DDR2: variants seen among roughly 807,000 people sequenced by gnomAD.
DDR2 encodes the protein discoidin domain receptor tyrosine kinase 2, also known as discoidin domain-containing receptor 2.
Under a neutral mutation model 94.9 loss-of-function variants are expected in DDR2, and 27 were observed. The ratio of observed to expected loss-of-function variants is 0.28; its 90% confidence interval spans 0.21 to 0.39. The LOEUF (loss-of-function observed/expected upper bound fraction) is 0.39. Ranked by LOEUF, DDR2 falls within the 10% of genes least tolerant of loss-of-function variation. DDR2 has a pLI of 1.00. For missense variants in DDR2, 783 were observed against 1,076.0 expected (o/e 0.73, Z 3.81); for synonymous variants, 382 against 377.2 (o/e 1.01, Z -0.15).
At chr1:162,714,481 T>C (rs773511891) in intron 2 of DDR2, among the ~76,000 whole-genome samples, 2 of 152,184 alleles carry the variant, frequency 1.3e-5, no homozygotes, top group Non-Finnish European at 2.9e-5. Flanking sequence ...CTAAAGCATC[T>C]GAAACTTCTT....
Position 162,780,419 on chromosome 1 carries a change from ACTT to A in DDR2, c.*174_*176del. 7 of 630,050 alleles carry A rather than the reference ACTT, an allele frequency of 1.1e-5. No individual in the cohort carries two copies. The highest frequency in any genetic ancestry group is 4.0e-5 in the African/African-American group (1 of 25,274). The allele number at this position is 630,050 out of a possible 1,614,324, so 39.0% of individuals were successfully genotyped here. A position where few individuals can be genotyped will look rare whatever the true frequency, so the allele number is the denominator to read the frequency against. ...CACTCCCTACCCCTGACTCATATAC[ACTT>A]TTTTTTTTTTTTACATTAAAGAACT... On this transcript the variant is annotated 3_prime_UTR_variant, in exon 18 of 18. Coordinates refer to ENST00000367921, the MANE Select transcript of DDR2 (RefSeq NM_006182.4).
At chr1:162,778,890 C>T (rs1464972068) in intron 17 of DDR2, among the ~76,000 whole-genome samples, 161 bp downstream of exon 17, 4 of 152,238 alleles carry the variant, frequency 2.6e-5, no homozygotes, top group Middle Eastern at 3.4e-3. Flanking sequence ...CCAGTATCCT[C>T]CCCAGGCATC....
intron 3 of DDR2, among the ~76,000 whole-genome samples, chr1:162,737,352 C>G (rs1178324686): frequency 1.6e-5 from 2 of 122,808 alleles, no homozygotes; most frequent in African/African-American, 6.1e-5. Flanking sequence ...TATTCCCCTT[C>G]CTGTGTCCAT....
chr1:162,746,952 GA>G (rs1662900529), intron 3 of DDR2, among the ~76,000 whole-genome samples: 1 of 152,180 alleles, frequency 6.6e-6, no homozygotes, highest in Admixed American at 6.5e-5. Flanking sequence ...AACTAACAAA[GA>G]GAAAGGAATA....
At chr1:162,770,194 A>T in intron 11 of DDR2, 108 bp from the exon 12 acceptor site, 1 of 1,082,290 alleles carries the variant, frequency 9.2e-7, no homozygotes, top group Non-Finnish European at 1.4e-6. Context: ...GGGGTTAAAC[A>T]GTAGTAAAGA....
At chr1:162,727,465 CAT>C (rs1188582327) in intron 3 of DDR2, among the ~76,000 whole-genome samples, 3 of 142,352 alleles carry the variant, frequency 2.1e-5, no homozygotes, top group Non-Finnish European at 4.5e-5. Context: ...TATATGTTCA[CAT>C]GTTACATGTT....
chr1:162,755,522 C>A, intron 6 of DDR2, 142 bp from the exon 7 acceptor site: 3 of 1,010,854 alleles, frequency 3.0e-6, no homozygotes, highest in Middle Eastern at 6.0e-4. Flanking sequence ...CATGGAGGGG[C>A]ACTCCTCCAA....
At chr1:162,744,276 G>A (rs970905273) in intron 3 of DDR2, among the ~76,000 whole-genome samples, 7 of 152,238 alleles carry the variant, frequency 4.6e-5, no homozygotes, top group African/African-American at 7.2e-5. Flanking sequence ...TTGTATAACC[G>A]AACTTTATAT....
At chr1:162,647,612 G>A (rs1486381110) in intron 1 of DDR2, among the ~76,000 whole-genome samples, 3 of 152,198 alleles carry the variant, frequency 2.0e-5, no homozygotes, top group African/African-American at 7.2e-5. Flanking sequence ...TAATTCGTGA[G>A]TTTTCTGGAA....
intron 2 of DDR2, among the ~76,000 whole-genome samples, chr1:162,703,915 C>T (rs17433759): frequency 0.085 from 12,948 of 152,186 alleles, 683 homozygotes; most frequent in Non-Finnish European, 0.11. Flanking sequence ...TGACATCATA[C>T]GCCATTGGCT....
At chr1:162,672,636 A>C (rs1355264237) in intron 2 of DDR2, among the ~76,000 whole-genome samples, 1 of 152,132 alleles carries the variant, frequency 6.6e-6, no homozygotes, top group East Asian at 1.9e-4. Context: ...TAATTGACCA[A>C]ATGTTTTGAT....
chr1:162,755,961 G>A (rs939912442), intron 7 of DDR2, among the ~76,000 whole-genome samples, 192 bp downstream of exon 7: 2 of 152,164 alleles, frequency 1.3e-5, no homozygotes, highest in Non-Finnish European at 2.9e-5. Context: ...CCCGGTTTGG[G>A]AAGACAAGTT....
intron 3 of DDR2, among the ~76,000 whole-genome samples, chr1:162,742,661 T>C (rs1245235869): frequency 1.3e-5 from 2 of 150,170 alleles, no homozygotes; most frequent in African/African-American, 5.0e-5. Context: ...CAGTATGAGA[T>C]TTGGGTGGGC....
At chr1:162,686,543 G>A (rs1169124733) in intron 2 of DDR2, among the ~76,000 whole-genome samples, 1 of 152,198 alleles carries the variant, frequency 6.6e-6, no homozygotes, top group African/African-American at 2.4e-5. Context: ...CAAAGGATAT[G>A]AACTCATTGT....
chr1:162,668,062 G>T (rs1000103792), intron 2 of DDR2, among the ~76,000 whole-genome samples: 3 of 152,130 alleles, frequency 2.0e-5, no homozygotes, highest in Non-Finnish European at 2.9e-5. Flanking sequence ...CCAGTAGTAG[G>T]GTGAGGCAGT....
intron 2 of DDR2, among the ~76,000 whole-genome samples, chr1:162,707,100 C>T (rs1014281947): frequency 6.6e-6 from 1 of 152,138 alleles, no homozygotes. Flanking sequence ...GGCAGGAACT[C>T]CTGGGCCATA....
Position 162,780,420 on chromosome 1 carries a change from CTTTTTT to C in DDR2, c.*183_*188del. 1.5e-6 allele frequency: 1 copy of C among 671,764 alleles called. No individual in the cohort carries two copies. Among genetic ancestry groups the C allele is most frequent in the Non-Finnish European group, 2.3e-6 (1 of 437,566 alleles). 41.6% of individuals were successfully genotyped at this position (671,764 alleles called of 1,614,324 possible). On this transcript the variant is annotated 3_prime_UTR_variant, in exon 18 of 18. Coordinates refer to ENST00000367921, the MANE Select transcript of DDR2 (RefSeq NM_006182.4). Reference sequence around the variant, plus strand: ...ACTCCCTACCCCTGACTCATATACACTTTTTTTTTTTTTTACATTAAAGAACTAAAA... The same window carrying C: ...ACTCCCTACCCCTGACTCATATACACTTTTTTTTACATTAAAGAACTAAAA...
chr1:162,692,548 C>T (rs1454611431), intron 2 of DDR2, among the ~76,000 whole-genome samples: 1 of 152,166 alleles, frequency 6.6e-6, no homozygotes, highest in Non-Finnish European at 1.5e-5. Flanking sequence ...TGAAAAGAAG[C>T]TTGCCTTCAC....
At chr1:162,639,026 C>T (rs947728278) in intron 1 of DDR2, among the ~76,000 whole-genome samples, 3 of 151,448 alleles carry the variant, frequency 2.0e-5, no homozygotes, top group Non-Finnish European at 4.4e-5. Flanking sequence ...AGTGCAGTGG[C>T]GCAATCTCGG....
Sources: gnomAD v4.1 joint callset for allele counts (sites outside exome capture counted in the v4.1 genomes callset) on GRCh38, gnomAD v4.1.1 for gene constraint, MANE v1.5 for transcripts, NCBI Gene and HGNC (gene_info 2026-07-23, HGNC 2026-07-21) for gene names.